The following ATP6V1A variants were observed in gnomAD, a reference collection of about 807,000 sequenced individuals.
The protein encoded by ATP6V1A is ATPase H+ transporting V1 subunit A, also known as V-type proton ATPase catalytic subunit A.
A neutral mutation model predicts 70.1 loss-of-function variants in ATP6V1A; 18 were observed. That is an observed-to-expected ratio of 0.26 (90% CI 0.18 to 0.38). The LOEUF is 0.38. ATP6V1A is among the 10% of genes least tolerant of loss of function. The pLI is 1.00. For synonymous variants in ATP6V1A, 232 were observed against 253.8 expected, an observed-to-expected ratio of 0.91 and a Z score of 0.82; for missense variants, 424 against 772.4, an observed-to-expected ratio of 0.55 and a Z score of 5.35.
intron 12 of ATP6V1A, 168 bp from the exon 13 acceptor site, chr3:113,803,415 C>G (rs1709237792): frequency 1.7e-6 from 1 of 595,174 alleles, no homozygotes; most frequent in Non-Finnish European, 3.0e-6. Flanking sequence ...TGTTACATGC[C>G]TTTTAACCAC....
At chr3:113,793,706 C>T (rs1366104865) in intron 8 of ATP6V1A, among the ~76,000 whole-genome samples, 1 of 151,970 alleles carries the variant, frequency 6.6e-6, no homozygotes, top group African/African-American at 2.4e-5. Context: ...TTCATGAGAC[C>T]ATTTTATGGA....
chr3:113,805,195 G>C (rs1295837584), intron 13 of ATP6V1A, among the ~76,000 whole-genome samples, 159 bp from the exon 14 acceptor site: 4 of 152,092 alleles, frequency 2.6e-5, no homozygotes, highest in Non-Finnish European at 5.9e-5. Context: ...GTAGTTGTTG[G>C]TCTTTTCACT....
At chr3:113,766,021 T>C (rs1215499361) in intron 1 of ATP6V1A, among the ~76,000 whole-genome samples, 1 of 152,154 alleles carries the variant, frequency 6.6e-6, no homozygotes, top group African/African-American at 2.4e-5. Context: ...TTATGTCACC[T>C]TTTTTTCATC....
rs756192686 is a variant in ATP6V1A, at chr3:113,786,215, C to T, written c.565-17C>T. On this transcript the variant is annotated splice_polypyrimidine_tract_variant and intron_variant, in intron 5 of 14. Transcript: ENST00000273398. The stretch of plus-strand genomic sequence containing the variant: ...TCACAAATTTGACCATACTAAAATC[C>T]TACTGTATTTCTATAGGATGTTGTC... 1 of 1,586,990 alleles carries T rather than the reference C, an allele frequency of 6.3e-7. No homozygotes were observed. The highest frequency in any genetic ancestry group is 8.6e-7 in the Non-Finnish European group (1 of 1,163,218).
At chr3:113,755,322 A>C (rs116687162) in intron 1 of ATP6V1A, among the ~76,000 whole-genome samples, 2,456 of 151,774 alleles carry the variant, frequency 0.016, 36 homozygotes, top group Non-Finnish European at 0.025. Flanking sequence ...TATATTTGCC[A>C]GCTGGGTGCA....
chr3:113,763,323 G>A (rs1455406041), intron 1 of ATP6V1A, among the ~76,000 whole-genome samples: 35 of 152,142 alleles, frequency 2.3e-4, no homozygotes, highest in Admixed American at 1.3e-3. Flanking sequence ...TCCTGACCTC[G>A]TGATCCGCCC....
In ATP6V1A at chr3:113,784,326, C is replaced by G. The variant is rs1709014148; in HGVS notation, c.314C>G (p.Pro105Arg). The G allele has an allele frequency of 6.2e-7, 1 of 1,614,034 alleles. No individual in the cohort carries two copies. The highest frequency in any genetic ancestry group is 8.5e-7 in the Non-Finnish European group (1 of 1,179,912). The change falls in exon 4 of 15, where the codon CCT becomes CGT. Residue 105 changes from proline to arginine, a missense_variant. By Grantham distance (103) the Pro-to-Arg change is moderately radical. This residue lies in a region of ATP6V1A where 139 missense variants were observed against 163.5 expected (regional missense o/e 0.85). Transcript: ENST00000273398. ...MGAIFDGIQRPLSDISSQTQS... is the reference protein window; with the variant it reads ...MGAIFDGIQRRLSDISSQTQS... ...GCCATTTTTGATGGTATTCAAAGAC[C>G]TTTGTCGGATATCAGCAGTCAGACC...
At chr3:113,799,468 T>C (rs1317821137) in intron 12 of ATP6V1A, among the ~76,000 whole-genome samples, 3 of 152,190 alleles carry the variant, frequency 2.0e-5, no homozygotes, top group Non-Finnish European at 4.4e-5. Context: ...GAAACCACTT[T>C]ACTTACTGGA....
chr3:113,787,545 G>A (rs1054578696), intron 6 of ATP6V1A, among the ~76,000 whole-genome samples: 2 of 152,116 alleles, frequency 1.3e-5, no homozygotes, highest in Non-Finnish European at 2.9e-5. Context: ...ATTTTGTGAT[G>A]TACAAAGTTC....
At chr3:113,796,047 T>A in intron 11 of ATP6V1A, 108 bp downstream of exon 11, 1 of 965,860 alleles carries the variant, frequency 1.0e-6, no homozygotes, top group Non-Finnish European at 1.5e-6. Flanking sequence ...TAATTTAGTC[T>A]CTAAAGGATA....
intron 1 of ATP6V1A, among the ~76,000 whole-genome samples, chr3:113,774,924 AG>A (rs1708891348): frequency 6.6e-6 from 1 of 152,224 alleles, no homozygotes; most frequent in Non-Finnish European, 1.5e-5. Context: ...ACTATTTAAA[AG>A]AAATATTGAC....
At chr3:113,754,272 C>G (rs908311854) in intron 1 of ATP6V1A, among the ~76,000 whole-genome samples, 5 of 152,058 alleles carry the variant, frequency 3.3e-5, no homozygotes, top group Admixed American at 6.5e-5. Context: ...GCCTGTAATC[C>G]CAGCACTTTG....
chr3:113,784,254 G>A lies in ATP6V1A; in HGVS notation c.242G>A (p.Arg81His), dbSNP rs1351534048. The change falls in exon 4 of 15, where the codon CGC (arginine) becomes CAC (histidine). Residue 81 changes from arginine (R) to histidine (H), a missense_variant. Around this residue, in one of 9 missense-constraint regions of ATP6V1A, gnomAD observed 139 missense variants for 163.5 expected, o/e 0.85. Transcript: ENST00000273398. ...GTGTCTGTTGGAGATCCTGTACTTC[G>A]CACTGGTAAACCCCTCTCTGTAGAG... ...SGVSVGDPVL[R>H]TGKPLSVELG... is the part of the protein sequence containing the mutation. 1.1e-5 allele frequency: 18 copies of A among 1,614,036 alleles called. No homozygotes were observed. The highest frequency in any genetic ancestry group is 1.3e-5 in the African/African-American group (1 of 74,992).
chr3:113,795,044 G>C, intron 9 of ATP6V1A, 46 bp from the exon 10 acceptor site: 2 of 1,613,234 alleles, frequency 1.2e-6, no homozygotes, highest in Non-Finnish European at 1.7e-6. Context: ...GGGATTTTCG[G>C]GGCTGGCTTA....
chr3:113,781,202 T>C, intron 3 of ATP6V1A, 24 bp downstream of exon 3: 2 of 1,590,722 alleles, frequency 1.3e-6, no homozygotes, highest in Non-Finnish European at 1.7e-6. Context: ...CTCAATTTCC[T>C]GCCACTTTCT....
Position 113,805,390 on chromosome 3 carries a change from C to T in ATP6V1A, c.1626C>T (p.Ser542=). The T allele has an allele frequency of 6.2e-7, 1 of 1,613,938 alleles. No individual in the cohort carries two copies. Among genetic ancestry groups the T allele is most frequent in the Non-Finnish European group, 8.5e-7 (1 of 1,179,970 alleles). The change falls in exon 14 of 15, where the codon TCC becomes TCT. Residue 542 remains serine (S), a synonymous_variant. Transcript: ENST00000273398. ...TCTACAAGACAGTAGGGATGCTGTCCAACATGATTGCATTTTATGATATGG... is the reference window on the plus strand; with the variant it reads ...TCTACAAGACAGTAGGGATGCTGTCTAACATGATTGCATTTTATGATATGG... ...CPFYKTVGML[S]NMIAFYDMAR...
chr3:113,784,476 AAG>A (rs1271991883), intron 4 of ATP6V1A, 38 bp downstream of exon 4: 1 of 1,538,554 alleles, frequency 6.5e-7, no homozygotes, highest in Non-Finnish European at 8.9e-7. Flanking sequence ...AAGTTATTGA[AAG>A]AATATAAAAT....
intron 14 of ATP6V1A, among the ~76,000 whole-genome samples, chr3:113,806,711 C>T (rs1310354790): frequency 2.0e-5 from 3 of 152,152 alleles, no homozygotes; most frequent in East Asian, 1.9e-4. Context: ...CTACCCGCCT[C>T]GGCCTCCCGA....
chr3:113,780,101 AT>A (rs1708962121), intron 2 of ATP6V1A, among the ~76,000 whole-genome samples: 1 of 152,148 alleles, frequency 6.6e-6, no homozygotes, highest in Admixed American at 6.6e-5. Context: ...ATGAAATATG[AT>A]TTTTAAATTT....
Sources: allele counts gnomAD v4.1 joint callset (sites outside exome capture counted in the v4.1 genomes callset), GRCh38; gene constraint gnomAD v4.1.1; regional missense constraint gnomAD v4.1.1; transcripts MANE v1.5; gene names NCBI Gene and HGNC (gene_info 2026-07-23, HGNC 2026-07-21).